Variants in MAPK8 observed in about 807,000 individuals in gnomAD.
MAPK8 encodes the protein mitogen-activated protein kinase 8.
MAPK8 carries 13 observed loss-of-function variants against 52.9 expected under a neutral mutation model. The observed-to-expected ratio is 0.25, with a 90% CI of 0.16 to 0.39. The LOEUF is 0.39. Among genes scored for constraint, MAPK8 ranks in the 10% least tolerant of loss-of-function variants. The probability of loss-of-function intolerance (pLI) is 1.00; values close to 1 mark genes in which losing one functional copy is unlikely to be tolerated. For synonymous variants in MAPK8, 191 were observed against 169.8 expected (o/e 1.12, Z -0.97); for missense variants, 300 against 519.2 (o/e 0.58, Z 4.10).
At chr10:48,379,950 A>C (rs985698881) in intron 1 of MAPK8, among the ~76,000 whole-genome samples, 2 of 151,494 alleles carry the variant, frequency 1.3e-5, no homozygotes, top group African/African-American at 2.4e-5. Context: ...AAAAAAAAAA[A>C]AAAAAAAAAC....
At chr10:48,381,707 T>A (rs766488679) in intron 1 of MAPK8, among the ~76,000 whole-genome samples, 1 of 152,222 alleles carries the variant, frequency 6.6e-6, no homozygotes, top group Non-Finnish European at 1.5e-5. Flanking sequence ...TACCAAATTA[T>A]GTAAACTAAA....
chr10:48,405,302 C>T (rs942628402), intron 3 of MAPK8, among the ~76,000 whole-genome samples: 1 of 152,128 alleles, frequency 6.6e-6, no homozygotes, highest in African/African-American at 2.4e-5. Context: ...CTCCGTCAGG[C>T]TGACATTTAG....
At chr10:48,387,832 G>A (rs764844042) in intron 1 of MAPK8, among the ~76,000 whole-genome samples, 4 of 152,058 alleles carry the variant, frequency 2.6e-5, no homozygotes, top group Admixed American at 2.0e-4. Flanking sequence ...GGAGATTTTC[G>A]GGGTAATTTT....
At position 48,355,001 on chromosome 10, in the gene MAPK8, A is replaced by G. The variant is rs1846728806; in HGVS notation, c.-49-46611A>G. 3.9e-5 allele frequency among the ~76,000 whole-genome samples: 6 copies of G among 152,170 alleles called. No individual in the cohort carries two copies. In the South Asian group the frequency reaches 1.0e-3, roughly 26 times the overall value. On this transcript the variant is annotated intron_variant, in intron 1 of 11. Coordinates refer to ENST00000374189, the MANE Select transcript of MAPK8 (RefSeq NM_001323329.2). ...CTGTGATAGTCAAAAAGAAAAACAT[A>G]AAGAAACTAAGCACTGTGAGCAGGA...
intron 1 of MAPK8, among the ~76,000 whole-genome samples, chr10:48,323,688 TAATC>T (rs1350895921): frequency 6.6e-6 from 1 of 152,250 alleles, no homozygotes; most frequent in African/African-American, 2.4e-5. Context: ...CCATACATCT[TAATC>T]ATTATAATTG....
chr10:48,382,901 T>C (rs986457000), intron 1 of MAPK8, among the ~76,000 whole-genome samples: 1 of 137,444 alleles, frequency 7.3e-6, no homozygotes, highest in Non-Finnish European at 1.6e-5. Context: ...TATATATAGC[T>C]ATGTGTATAT....
intron 6 of MAPK8, among the ~76,000 whole-genome samples, chr10:48,422,715 AT>A (rs1006194156): frequency 3.3e-5 from 5 of 152,030 alleles, no homozygotes; most frequent in African/African-American, 4.8e-5. Flanking sequence ...TAAATATTAA[AT>A]TTTTTTTCTA....
At chr10:48,380,910 A>C (rs2040964931) in intron 1 of MAPK8, among the ~76,000 whole-genome samples, 1 of 152,214 alleles carries the variant, frequency 6.6e-6, no homozygotes, top group Non-Finnish European at 1.5e-5. Context: ...AGACTCCATC[A>C]AAGAGTAAGT....
At chr10:48,323,503 G>T (rs1843188676) in intron 1 of MAPK8, among the ~76,000 whole-genome samples, 1 of 152,164 alleles carries the variant, frequency 6.6e-6, no homozygotes, top group Non-Finnish European at 1.5e-5. Flanking sequence ...ATTGCAGAAA[G>T]AATTTAATTT....
At chr10:48,308,968 G>A (rs1841679641) in intron 1 of MAPK8, among the ~76,000 whole-genome samples, 1 of 152,152 alleles carries the variant, frequency 6.6e-6, no homozygotes, top group Non-Finnish European at 1.5e-5. Flanking sequence ...CTTATTATTT[G>A]CTGTAAAGTG....
rs752183776 is a variant in MAPK8, at chr10:48,425,989, C to A, written c.790C>A (p.Pro264Thr). 3 of 1,613,280 alleles carry A rather than the reference C, an allele frequency of 1.9e-6. No individual in the cohort carries two copies. The highest frequency in any genetic ancestry group is 2.5e-6 in the Non-Finnish European group (3 of 1,179,498). The change falls in exon 8 of 12, where the codon CCT becomes ACT. Residue 264 changes from proline to threonine, a missense_variant. Pro to Thr is a conservative substitution (Grantham distance 38). Around this residue, in one of 3 missense-constraint regions of MAPK8, gnomAD observed 147 missense variants for 328.1 expected, o/e 0.45. Transcript: ENST00000374189. ...AGTAAGGACTTACGTTGAAAACAGA[C>A]CTAAATATGCTGGATATAGCTTTGA... ...PTVRTYVENR[P>T]KYAGYSFEKL...
chr10:48,389,078 A>G (rs751520415), intron 1 of MAPK8, among the ~76,000 whole-genome samples: 1 of 152,158 alleles, frequency 6.6e-6, no homozygotes, highest in African/African-American at 2.4e-5. Context: ...TGTTGTTGGA[A>G]TAGGCCTTCT....
At chr10:48,426,237 T>C (rs866634670) in intron 8 of MAPK8, 143 bp from the exon 9 acceptor site, 14 of 862,400 alleles carry the variant, frequency 1.6e-5, no homozygotes, top group East Asian at 8.7e-5. Flanking sequence ...TTTAATCTTA[T>C]ATATTTTAAT....
intron 1 of MAPK8, chr10:48,308,187 A>G (rs1841594661): frequency 6.6e-6 from 1 of 152,204 alleles, no homozygotes; most frequent in Admixed American, 6.5e-5. Context: ...CTAAGTGAAC[A>G]TGTTTAGTGC....
At chr10:48,353,441 A>C (rs557080626) in intron 1 of MAPK8, among the ~76,000 whole-genome samples, 189 of 152,338 alleles carry the variant, frequency 1.2e-3, no homozygotes, top group African/African-American at 4.3e-3. Flanking sequence ...CACACAAGTA[A>C]AGCCAATTGA....
At chr10:48,327,640 G>T (rs1416142310) in intron 1 of MAPK8, among the ~76,000 whole-genome samples, 2 of 152,198 alleles carry the variant, frequency 1.3e-5, no homozygotes, top group Admixed American at 1.3e-4. Flanking sequence ...TTTTCTGCAA[G>T]AGATTGTAGA....
chr10:48,358,281 A>G (rs1309406689), intron 1 of MAPK8, among the ~76,000 whole-genome samples: 1 of 152,186 alleles, frequency 6.6e-6, no homozygotes, highest in Admixed American at 6.5e-5. Context: ...ATTTCTACCC[A>G]TGTGATATAC....
intron 1 of MAPK8, among the ~76,000 whole-genome samples, chr10:48,371,520 T>C (rs1276097979): frequency 6.6e-6 from 1 of 152,124 alleles, no homozygotes; most frequent in Non-Finnish European, 1.5e-5. Context: ...GAAGCCTCTG[T>C]AGATATATCT....
At chr10:48,423,675 G>C (rs555774205) in intron 6 of MAPK8, among the ~76,000 whole-genome samples, 3 of 152,054 alleles carry the variant, frequency 2.0e-5, no homozygotes, top group Non-Finnish European at 4.4e-5. Flanking sequence ...TTCTTAGAGA[G>C]TATAATGCAC....
Sources: gnomAD v4.1 joint callset for allele counts (sites outside exome capture counted in the v4.1 genomes callset) on GRCh38, gnomAD v4.1.1 for gene constraint, gnomAD v4.1.1 regional missense constraint, MANE v1.5 for transcripts, NCBI Gene and HGNC (gene_info 2026-07-23, HGNC 2026-07-21) for gene names.